The following RGS20 variants were observed in gnomAD, a reference collection of about 807,000 sequenced individuals.
RGS20 encodes gz-selective GTPase-activating protein.
RGS20 carries 30 observed loss-of-function variants against 33.6 expected under a neutral mutation model. The ratio of observed to expected loss-of-function variants is 0.89; its 90% CI spans 0.67 to 1.21. The LOEUF (loss-of-function observed/expected upper bound fraction) is 1.21, where lower values mean the gene tolerates loss of function less well. Among genes scored for constraint, RGS20 ranks in the 50% most tolerant of loss-of-function variants. The pLI is 0.00. For synonymous variants in RGS20, 208 were observed against 197.9 expected (o/e 1.05, Z -0.43); for missense variants, 472 against 502.4 (o/e 0.94, Z 0.58).
intron 2 of RGS20, among the ~76,000 whole-genome samples, chr8:53,902,050 C>G (rs569388448): frequency 6.6e-6 from 1 of 152,170 alleles, no homozygotes; most frequent in South Asian, 2.1e-4. Flanking sequence ...CAGGGTCTCG[C>G]TCTGTCACCC....
intron 2 of RGS20, among the ~76,000 whole-genome samples, chr8:53,918,473 C>G (rs1437812318): frequency 6.6e-6 from 1 of 151,682 alleles, no homozygotes; most frequent in Non-Finnish European, 1.5e-5. Context: ...GCTGCAACCT[C>G]TGCCTCCCGG....
intron 2 of RGS20, among the ~76,000 whole-genome samples, chr8:53,915,766 T>G (rs559165934): frequency 2.0e-5 from 3 of 152,284 alleles, no homozygotes; most frequent in African/African-American, 7.2e-5. Flanking sequence ...TTTCTTTCTT[T>G]TTTAAAAATG....
intron 2 of RGS20, among the ~76,000 whole-genome samples, chr8:53,894,007 C>T (rs1812785919): frequency 6.6e-6 from 1 of 152,134 alleles, no homozygotes; most frequent in African/African-American, 2.4e-5. Flanking sequence ...AGTATAAATA[C>T]TAACTTAGGT....
intron 2 of RGS20, among the ~76,000 whole-genome samples, chr8:53,926,287 T>C (rs576136513): frequency 1.3e-5 from 2 of 152,342 alleles, no homozygotes; most frequent in East Asian, 1.9e-4. Context: ...TCTTATATTA[T>C]TGTCTAACTC....
At chr8:53,930,299 T>A (rs567706667) in intron 2 of RGS20, among the ~76,000 whole-genome samples, 1 of 152,178 alleles carries the variant, frequency 6.6e-6, no homozygotes. Flanking sequence ...GGGGAAGATA[T>A]CATTTATGAC....
chr8:53,917,542 A>G (rs1813525300), intron 2 of RGS20, among the ~76,000 whole-genome samples: 1 of 152,176 alleles, frequency 6.6e-6, no homozygotes, highest in African/African-American at 2.4e-5. Flanking sequence ...TGGTAACTCT[A>G]CACTCCCTTA....
intron 1 of RGS20, among the ~76,000 whole-genome samples, chr8:53,856,675 C>A (rs965204978): frequency 1.3e-5 from 2 of 152,162 alleles, no homozygotes; most frequent in African/African-American, 4.8e-5. Context: ...TCAACTCTGT[C>A]AATATAGATA....
intron 2 of RGS20, among the ~76,000 whole-genome samples, chr8:53,927,420 G>T (rs1237157917): frequency 1.3e-5 from 2 of 151,984 alleles, no homozygotes; most frequent in African/African-American, 2.4e-5. Context: ...GCCCAGGCTG[G>T]TCTCAAACTC....
At chr8:53,907,600 A>G (rs983461237) in intron 2 of RGS20, among the ~76,000 whole-genome samples, 61 of 151,400 alleles carry the variant, frequency 4.0e-4, no homozygotes, top group Non-Finnish European at 7.1e-4. Flanking sequence ...AAAAAAAAAG[A>G]TTTAAAGAAT....
rs551144494 is a variant in RGS20 at position 53,906,454 on chromosome 8, T to C, written c.510+26852T>C. ...GGCCCCCTAAGTGTGCTGGCAAATG[T>C]GGTATCTGTGAAAAATCATCCTCCA... is the stretch of plus-strand genomic sequence containing the variant. On this transcript the variant is annotated intron_variant, in intron 2 of 5. Coordinates refer to ENST00000297313, the MANE Select transcript of RGS20 (RefSeq NM_170587.4). 7.2e-5 allele frequency among the ~76,000 whole-genome samples: 11 copies of C among 152,240 alleles called. No homozygotes were observed. The East Asian group carries it at 1.9e-3, about 27-fold the overall frequency.
intron 1 of RGS20, among the ~76,000 whole-genome samples, chr8:53,854,531 A>G (rs1214865166): frequency 2.6e-5 from 4 of 152,220 alleles, no homozygotes; most frequent in Admixed American, 6.5e-5. Context: ...AAATATCACT[A>G]CACACCGAGA....
chr8:53,875,348 C>G (rs1812176791), intron 1 of RGS20, among the ~76,000 whole-genome samples: 1 of 147,162 alleles, frequency 6.8e-6, no homozygotes, highest in Non-Finnish European at 1.5e-5. Context: ...AGGAGAATCG[C>G]TTGAACCCAG....
At chr8:53,887,554 A>G (rs546352537) in intron 2 of RGS20, among the ~76,000 whole-genome samples, 1 of 152,366 alleles carries the variant, frequency 6.6e-6, no homozygotes, top group African/African-American at 2.4e-5. Context: ...GAGGTGACAC[A>G]GGAGAGGGTG....
chr8:53,865,979 G>C (rs905984811), intron 1 of RGS20, among the ~76,000 whole-genome samples: 20 of 152,166 alleles, frequency 1.3e-4, no homozygotes, highest in Non-Finnish European at 7.3e-5. Flanking sequence ...AGAGCCTGAT[G>C]GGAAAACAGA....
intron 2 of RGS20, among the ~76,000 whole-genome samples, chr8:53,915,605 T>C (rs998022214): frequency 6.6e-6 from 1 of 152,116 alleles, no homozygotes; most frequent in Non-Finnish European, 1.5e-5. Context: ...GCTTCCCTTT[T>C]TCCTAGACCT....
At chr8:53,933,558 G>A (rs563920527) in intron 2 of RGS20, 1 of 152,292 alleles carries the variant, frequency 6.6e-6, no homozygotes, top group Admixed American at 6.5e-5. Flanking sequence ...CAAGATTAGA[G>A]AAAAATGAAT....
At chr8:53,917,817 C>T (rs1479052970) in intron 2 of RGS20, among the ~76,000 whole-genome samples, 2 of 152,084 alleles carry the variant, frequency 1.3e-5, no homozygotes, top group Admixed American at 6.6e-5. Flanking sequence ...GTTGTGCAGC[C>T]ATCATCATAA....
rs1812371450 is a variant in RGS20, at chr8:53,881,218, G to C, written c.510+1616G>C. 5 of 638,318 alleles carry C rather than the reference G, an allele frequency of 7.8e-6. No homozygotes were observed. In the South Asian group the frequency reaches 1.2e-4, roughly 15 times the overall value. The allele number at this position is 638,318 out of a possible 1,614,324, so 39.5% of individuals were successfully genotyped here. A position where few individuals can be genotyped will look rare whatever the true frequency, so the allele number is the denominator to read the frequency against. ...CAGGGTGTCGCCGTTGCTGCGGGGC[G>C]GGAGCCGGTGCGAGTCGGGGGTTCC... On this transcript the variant is annotated intron_variant, in intron 2 of 5. Coordinates refer to ENST00000297313, the MANE Select transcript of RGS20 (RefSeq NM_170587.4).
At chr8:53,866,597 G>A (rs879302983) in intron 1 of RGS20, among the ~76,000 whole-genome samples, 3 of 152,082 alleles carry the variant, frequency 2.0e-5, no homozygotes, top group Non-Finnish European at 4.4e-5. Flanking sequence ...GGCCAGACTG[G>A]TCTTGAACTC....
Sources: allele counts gnomAD v4.1 joint callset (sites outside exome capture counted in the v4.1 genomes callset), GRCh38; gene constraint gnomAD v4.1.1; transcripts MANE v1.5; gene names NCBI Gene and HGNC (gene_info 2026-07-23, HGNC 2026-07-21).